ADCY5: variants seen among roughly 807,000 people sequenced by gnomAD.
ADCY5 encodes adenylate cyclase 5, also known as adenylate cyclase type 5.
ADCY5 carries 30 observed loss-of-function variants against 119.7 expected under a neutral mutation model. The ratio of observed to expected loss-of-function variants is 0.25; its 90% CI spans 0.19 to 0.34. The LOEUF (loss-of-function observed/expected upper bound fraction) is 0.34. ADCY5 is among the 10% of genes least tolerant of loss of function. ADCY5 has a pLI of 1.00. For missense variants in ADCY5, 1,324 were observed against 1,775.2 expected, an observed-to-expected ratio of 0.75 and a Z score of 4.57; for synonymous variants, 753 against 762.2, an observed-to-expected ratio of 0.99 and a Z score of 0.20.
At chr3:123,292,561 G>A (rs943304142) in intron 17 of ADCY5, among the ~76,000 whole-genome samples, 4 of 152,188 alleles carry the variant, frequency 2.6e-5, no homozygotes, top group African/African-American at 7.2e-5. Flanking sequence ...ACAGAGGCAC[G>A]GGGAGCCAGC....
At chr3:123,339,283 G>C (rs1173306054) in intron 3 of ADCY5, among the ~76,000 whole-genome samples, 2 of 152,128 alleles carry the variant, frequency 1.3e-5, no homozygotes, top group Admixed American at 1.3e-4. Flanking sequence ...GGGCTCACAT[G>C]TCCCTAGTAA....
At chr3:123,385,293 G>GCACA (rs59025602) in intron 1 of ADCY5, among the ~76,000 whole-genome samples, 4 of 150,828 alleles carry the variant, frequency 2.7e-5, no homozygotes, top group Non-Finnish European at 4.4e-5. Flanking sequence ...AGACACACAC[G>GCACA]CACACACACA....
At chr3:123,416,631 G>A (rs575136031) in intron 1 of ADCY5, among the ~76,000 whole-genome samples, 2 of 152,224 alleles carry the variant, frequency 1.3e-5, no homozygotes, top group East Asian at 1.9e-4. Flanking sequence ...GCTCTGCCAC[G>A]AACTGAATTA....
intron 8 of ADCY5, among the ~76,000 whole-genome samples, chr3:123,324,393 CCACACAGAAACCACACACACACACACA>C (rs1941367008): frequency 6.8e-6 from 1 of 147,614 alleles, no homozygotes. Context: ...CACTAAGTGG[CCACACAGAAACCACACACACACACACA>C]CACACACACA....
At chr3:123,394,191 T>C (rs1185932885) in intron 1 of ADCY5, among the ~76,000 whole-genome samples, 4 of 152,208 alleles carry the variant, frequency 2.6e-5, no homozygotes, top group Non-Finnish European at 4.4e-5. Context: ...ATACACATAA[T>C]TTTCTCTCTT....
At chr3:123,321,608 T>A (rs1390203141) in intron 8 of ADCY5, among the ~76,000 whole-genome samples, 1 of 152,168 alleles carries the variant, frequency 6.6e-6, no homozygotes, top group African/African-American at 2.4e-5. Flanking sequence ...AGCCTCAGGA[T>A]GCCAGGACTA....
chr3:123,354,652 G>A (rs938360511), intron 1 of ADCY5, among the ~76,000 whole-genome samples: 8 of 152,042 alleles, frequency 5.3e-5, no homozygotes, highest in African/African-American at 9.7e-5. Flanking sequence ...AGAGAGGAAG[G>A]TTCTCAGTGA....
intron 2 of ADCY5, among the ~76,000 whole-genome samples, chr3:123,351,901 G>A (rs1032386836): frequency 2.6e-5 from 4 of 152,354 alleles, no homozygotes; most frequent in Middle Eastern, 6.8e-3. Flanking sequence ...GGTCTAGGAA[G>A]AGATGGGACT....
intron 10 of ADCY5, among the ~76,000 whole-genome samples, chr3:123,318,650 C>G (rs1250486239): frequency 1.3e-5 from 2 of 152,196 alleles, no homozygotes; most frequent in African/African-American, 4.8e-5. Context: ...GAGTAACACC[C>G]AAGTCAGGTC....
chr3:123,429,767 C>T (rs1039880674), intron 1 of ADCY5, among the ~76,000 whole-genome samples: 3 of 152,202 alleles, frequency 2.0e-5, no homozygotes, highest in African/African-American at 7.2e-5. Context: ...CATATCCCAC[C>T]TGTGTGGCCA....
At chr3:123,410,777 A>G (rs1945024945) in intron 1 of ADCY5, among the ~76,000 whole-genome samples, 1 of 152,132 alleles carries the variant, frequency 6.6e-6, no homozygotes, top group East Asian at 1.9e-4. Flanking sequence ...CCTCTTGAGT[A>G]GCTAGGACTA....
At chr3:123,439,778 C>G (rs1412876171) in intron 1 of ADCY5, among the ~76,000 whole-genome samples, 1 of 152,170 alleles carries the variant, frequency 6.6e-6, no homozygotes, top group Non-Finnish European at 1.5e-5. Context: ...ATCTTTGCAA[C>G]CCCATGGCCT....
chr3:123,325,247 G>A, intron 8 of ADCY5, 75 bp downstream of exon 8: 3 of 1,542,312 alleles, frequency 1.9e-6, no homozygotes, highest in Non-Finnish European at 1.8e-6. Context: ...CGAGGCATCT[G>A]GTGCGGGCCT....
At chr3:123,415,537 C>T (rs530551357) in intron 1 of ADCY5, among the ~76,000 whole-genome samples, 3 of 152,270 alleles carry the variant, frequency 2.0e-5, no homozygotes, top group Admixed American at 1.3e-4. Flanking sequence ...CTCTCTTCAG[C>T]GTCTGCGGGA....
chr3:123,419,223 T>G (rs933238828), intron 1 of ADCY5: 1 of 985,232 alleles, frequency 1.0e-6, no homozygotes, highest in Non-Finnish European at 1.2e-6. Flanking sequence ...GAGCACACAG[T>G]CAGGTGGCAC....
At chr3:123,367,071 TAAG>T (rs1943467541) in intron 1 of ADCY5, among the ~76,000 whole-genome samples, 1 of 152,330 alleles carries the variant, frequency 6.6e-6, no homozygotes, top group African/African-American at 2.4e-5. Flanking sequence ...GCTACAGCTT[TAAG>T]AAGGCCTGTC....
intron 3 of ADCY5, among the ~76,000 whole-genome samples, chr3:123,338,160 A>T (rs757860209): frequency 1.3e-5 from 2 of 152,164 alleles, no homozygotes; most frequent in Non-Finnish European, 2.9e-5. Context: ...CCTCCTGGGA[A>T]TCTACTCTTC....
intron 1 of ADCY5, among the ~76,000 whole-genome samples, chr3:123,415,993 C>T (rs1049635422): frequency 2.6e-5 from 4 of 152,128 alleles, no homozygotes; most frequent in African/African-American, 4.8e-5. Context: ...GGTAGGTATA[C>T]GGTAGTTCAT....
Position 123,352,704 on chromosome 3 carries a change from AC to A in ADCY5, c.1135-124del. On this transcript the variant is annotated intron_variant, in intron 1 of 20. Coordinates refer to ENST00000462833, the MANE Select transcript of ADCY5 (RefSeq NM_183357.3). The surrounding 1 kb of genome is among the most constrained non-coding windows in gnomAD (Gnocchi z 4.8). ...GCGCTAGCAAACAAATGCTGAGGGC[AC>A]CCCACACGCGGCCAACCACTGTGAG... The A allele has an allele frequency of 8.4e-7, 1 of 1,190,740 alleles. No homozygotes were observed. Among genetic ancestry groups the A allele is most frequent in the South Asian group, 1.6e-5 (1 of 62,332 alleles). 73.8% of individuals were successfully genotyped at this position (1,190,740 alleles called of 1,614,324 possible).
Sources: gnomAD v4.1 joint callset for allele counts (sites outside exome capture counted in the v4.1 genomes callset) on GRCh38, gnomAD v4.1.1 for gene constraint, Gnocchi (gnomAD v3.1) non-coding constraint, MANE v1.5 for transcripts, NCBI Gene and HGNC (gene_info 2026-07-23, HGNC 2026-07-21) for gene names.